PTRH1: variants seen among roughly 807,000 people sequenced by gnomAD.
PTRH1 encodes the protein peptidyl-tRNA hydrolase.
A neutral mutation model predicts 15.7 loss-of-function variants in PTRH1; 13 were observed. That is an observed-to-expected ratio of 0.83 (90% CI 0.54 to 1.31). PTRH1 has a LOEUF of 1.31. Ranked by LOEUF, PTRH1 falls within the 40% of genes most tolerant of loss-of-function variation. PTRH1 has a pLI of 0.00. For synonymous variants in PTRH1, 139 were observed against 136.7 expected (o/e 1.02, Z -0.12); for missense variants, 319 against 296.2 (o/e 1.08, Z -0.56).
chr9:127,711,946 C>T (rs774801550), downstream of PTRH1: 8 of 1,605,784 alleles, frequency 5.0e-6, no homozygotes, highest in African/African-American at 5.3e-5. Flanking sequence ...TAACCAGGCA[C>T]TGAAGTGCGT....
upstream of PTRH1, chr9:127,715,675 T>C (rs1466808232): frequency 1.3e-6 from 2 of 1,599,860 alleles, no homozygotes; most frequent in African/African-American, 2.7e-5. The surrounding 1 kb of genome is among the most constrained non-coding windows in gnomAD (Gnocchi z 5.8). Flanking sequence ...CCCCCTGACG[T>C]CATCACCCCG....
At chr9:127,708,598 A>G (rs1195346815) in intron 1 of PTRH1, among the ~76,000 whole-genome samples, 1 of 152,226 alleles carries the variant, frequency 6.6e-6, no homozygotes, top group Non-Finnish European at 1.5e-5. Context: ...TGAAATTCAC[A>G]AACTTCCCTT....
At chr9:127,714,917 C>CCCCCCCCCCCCCCCCCCCCCCAA in intron 2 of PTRH1, 58 bp downstream of exon 2, 1 of 799,020 alleles carries the variant, frequency 1.3e-6, no homozygotes, top group East Asian at 2.7e-5. Context: ...CTCTGGCCCC[C>CCCCCCCCCCCCCCCCCCCCCCAA]GCGCCCCAAC....
At chr9:127,709,454 A>G (rs774066953), downstream of PTRH1, 3 of 1,613,646 alleles carry the variant, frequency 1.9e-6, no homozygotes, top group Admixed American at 3.3e-5. The surrounding 1 kb of genome is among the most constrained non-coding windows in gnomAD (Gnocchi z 4.7). Flanking sequence ...CTGGCTGTGC[A>G]GGAGAAGATG....
Position 127,694,455 on chromosome 9 carries a change from C to T in PTRH1, c.420+472G>A, listed in dbSNP as rs556759662. 3.9e-5 allele frequency among the ~76,000 whole-genome samples: 6 copies of T among 152,244 alleles called. No homozygotes were observed. The South Asian group carries it at 1.2e-3, about 32-fold the overall frequency. ...AGTCTTCTGTCCCAGCTTCCTGTCA[C>T]CTCTCTCCATTCTACCCCTTCACTA... On this transcript the variant is annotated intron_variant, in intron 2 of 2. Transcript: ENST00000335223.
intron 1 of PTRH1, chr9:127,695,671 C>G (rs1181180101): frequency 6.6e-6 from 1 of 152,396 alleles, no homozygotes; most frequent in Non-Finnish European, 1.5e-5. Context: ...CTCAGAGCTG[C>G]TGCTTTTGCT....
downstream of PTRH1, chr9:127,711,774 G>A (rs554195043): frequency 6.5e-7 from 1 of 1,537,878 alleles, no homozygotes; most frequent in Admixed American, 2.0e-5. Flanking sequence ...TCTGCAGCTG[G>A]GGGACAGGGC....
At chr9:127,712,633 T>C (rs1842793040), downstream of PTRH1, 9 of 1,611,478 alleles carry the variant, frequency 5.6e-6, no homozygotes, top group Non-Finnish European at 7.6e-6. Flanking sequence ...AAATGGGCAC[T>C]GAGGTTGGAA....
chr9:127,711,575 C>T, downstream of PTRH1: 1 of 1,527,722 alleles, frequency 6.5e-7, no homozygotes, highest in South Asian at 1.2e-5. Flanking sequence ...GGGGTAGAGT[C>T]AGGGGCAGTC....
intron 1 of PTRH1, chr9:127,695,881 A>T (rs1842556166): frequency 1.3e-5 from 2 of 152,238 alleles, no homozygotes; most frequent in African/African-American, 4.8e-5. Context: ...GAAAACATGC[A>T]TGGGAATGAC....
downstream of PTRH1, chr9:127,713,473 T>A: frequency 9.2e-6 from 3 of 327,720 alleles, no homozygotes; most frequent in Non-Finnish European, 1.7e-5. Context: ...TGAAGAGGCC[T>A]CAGCTTCCAA....
chr9:127,709,861 T>C (rs1320233257), downstream of PTRH1, among the ~76,000 whole-genome samples: 2 of 152,120 alleles, frequency 1.3e-5, no homozygotes, highest in Admixed American at 6.6e-5. This position sits in a 1 kb window ranked among gnomAD's most constrained non-coding sequence, Gnocchi z 4.7. Context: ...CCCAACCAGT[T>C]TGTAGACAAG....
At chr9:127,696,020 A>T (rs1196799224) in intron 1 of PTRH1, 1 of 152,212 alleles carries the variant, frequency 6.6e-6, no homozygotes, top group Non-Finnish European at 1.5e-5. Context: ...CCAACAATGT[A>T]TTAATGCAAT....
chr9:127,713,260 A>G (rs1842811404), downstream of PTRH1: 2 of 1,338,684 alleles, frequency 1.5e-6, no homozygotes, highest in Admixed American at 2.5e-5. Flanking sequence ...TCCTGGGTAC[A>G]AACTGAGGCT....
intron 1 of PTRH1, among the ~76,000 whole-genome samples, chr9:127,707,786 T>C (rs984610392): frequency 3.3e-5 from 5 of 152,242 alleles, no homozygotes; most frequent in Non-Finnish European, 5.9e-5. Flanking sequence ...CATTTTCTTA[T>C]GTTACAACCA....
At chr9:127,711,118 G>C (rs940420930), downstream of PTRH1, 3 of 1,356,634 alleles carry the variant, frequency 2.2e-6, no homozygotes, top group African/African-American at 2.9e-5. Flanking sequence ...CCCAGGGAGA[G>C]AGCATGCTGG....
At chr9:127,712,744 G>A, downstream of PTRH1, 4 of 1,614,188 alleles carry the variant, frequency 2.5e-6, no homozygotes, top group Non-Finnish European at 3.4e-6. Flanking sequence ...ACGTTGACGT[G>A]ACGTTCCAGC....
chr9:127,709,795 T>C (rs1842723476), downstream of PTRH1: 1 of 1,251,662 alleles, frequency 8.0e-7, no homozygotes, highest in South Asian at 1.5e-5. The surrounding 1 kb of genome is among the most constrained non-coding windows in gnomAD (Gnocchi z 4.7). Flanking sequence ...ACATGCTGCT[T>C]GGCACACACT....
In PTRH1 at chr9:127,715,002, C is replaced by T; in HGVS notation, c.289G>A (p.Ala97Thr). The T allele has an allele frequency of 2.1e-6, 3 of 1,432,038 alleles. No homozygotes were observed. The highest frequency in any genetic ancestry group is 2.7e-6 in the Non-Finnish European group (3 of 1,092,838). The allele number at this position is 1,432,038 out of a possible 1,614,324, so 88.7% of individuals were successfully genotyped here. ...GCCCGGGCCACGCTGCGCCCGTTGGCGTTCATAAGCCGCCGTGGCCGGAGC... is the reference window on the plus strand; with the variant it reads ...GCCCGGGCCACGCTGCGCCCGTTGGTGTTCATAAGCCGCCGTGGCCGGAGC... ...VLLRPRRLMN[A>T]NGRSVARAAE... Residue 97 changes from alanine to threonine, a missense_variant, in exon 2 of 5, where the codon GCC becomes ACC. Physicochemically the swap from Ala to Thr is moderately conservative, Grantham distance 58. Transcript: ENST00000543175. The surrounding 1 kb of genome is among the most constrained non-coding windows in gnomAD (Gnocchi z 5.8).
Sources: allele counts gnomAD v4.1 joint callset (sites outside exome capture counted in the v4.1 genomes callset), GRCh38; gene constraint gnomAD v4.1.1; non-coding constraint Gnocchi (gnomAD v3.1); transcripts MANE v1.5; gene names NCBI Gene and HGNC (gene_info 2026-07-23, HGNC 2026-07-21).